The following COL25A1 variants were observed in gnomAD, a reference collection of about 807,000 sequenced individuals.
COL25A1 encodes the protein collagen alpha-1(XXV) chain.
Under a neutral mutation model 128.4 loss-of-function variants are expected in COL25A1, and 103 were observed. The observed-to-expected ratio is 0.80, with a 90% CI of 0.68 to 0.94. The LOEUF is 0.94. Ranked by LOEUF, COL25A1 falls within the 40% of genes least tolerant of loss-of-function variation. The pLI is 0.00. For synonymous variants in COL25A1, 279 were observed against 277.2 expected, an observed-to-expected ratio of 1.01 and a Z score of -0.06; for missense variants, 745 against 840.0, an observed-to-expected ratio of 0.89 and a Z score of 1.40.
Position 109,139,963 on chromosome 4 carries a change from G to A in COL25A1, c.368-89784C>T, listed in dbSNP as rs999506660. On this transcript the variant is annotated intron_variant, in intron 3 of 37. Coordinates refer to ENST00000399132, the MANE Select transcript of COL25A1 (RefSeq NM_198721.4). ...CTTGTGATAGTTTGCCGAGAATGAT[G>A]GTTTCCAGCTTCATCGATGTCCCTA... is the stretch of plus-strand genomic sequence containing the variant. Among the ~76,000 whole-genome samples the A allele has an allele frequency of 9.9e-5, 15 of 151,906 alleles. 1 individual carries two copies. Among genetic ancestry groups the A allele is most frequent in the Admixed American group, 7.2e-4 (11 of 15,246 alleles).
intron 3 of COL25A1, among the ~76,000 whole-genome samples, chr4:109,107,910 T>C (rs1766599724): frequency 6.6e-6 from 1 of 152,250 alleles, no homozygotes; most frequent in South Asian, 2.1e-4. Flanking sequence ...TAACAGCATT[T>C]TAAAAATTCC....
intron 8 of COL25A1, chr4:108,942,090 T>C (rs1323101799): frequency 1.1e-6 from 1 of 921,556 alleles, no homozygotes; most frequent in Non-Finnish European, 1.7e-6. Context: ...AAGTGCCCAG[T>C]AACTTGATAT....
At chr4:108,900,260 G>C (rs769452393) in intron 14 of COL25A1, among the ~76,000 whole-genome samples, 23 of 152,164 alleles carry the variant, frequency 1.5e-4, no homozygotes, top group Non-Finnish European at 3.1e-4. Flanking sequence ...TGGAGAAAGA[G>C]AGAGAAGAAG....
chr4:109,280,556 T>A (rs1723278406), intron 3 of COL25A1, among the ~76,000 whole-genome samples: 1 of 152,204 alleles, frequency 6.6e-6, no homozygotes, highest in African/African-American at 2.4e-5. Context: ...AACCTGAATA[T>A]ACACTGAATA....
chr4:109,119,039 A>G lies in COL25A1; in HGVS notation c.368-68860T>C, dbSNP rs188628030. Among the ~76,000 whole-genome samples the G allele has an allele frequency of 3.2e-3, 488 of 151,928 alleles. 1 individual carries two copies. The highest frequency in any genetic ancestry group is 5.4e-3 in the Non-Finnish European group (369 of 67,954). On this transcript the variant is annotated intron_variant, in intron 3 of 37. Coordinates refer to ENST00000399132, the MANE Select transcript of COL25A1 (RefSeq NM_198721.4). Reference sequence around the variant, plus strand: ...TTTGCTGGCAGATAACAATGGAATGAAACTGGAAATCAAAAACAGCTAAAA... The same window carrying G: ...TTTGCTGGCAGATAACAATGGAATGGAACTGGAAATCAAAAACAGCTAAAA...
Position 108,848,773 on chromosome 4 carries a change from T to C in COL25A1, c.1420A>G (p.Met474Val), listed in dbSNP as rs761132126. 1 of 1,602,490 alleles carries C rather than the reference T, an allele frequency of 6.2e-7. No individual in the cohort carries two copies. The highest frequency in any genetic ancestry group is 8.5e-7 in the Non-Finnish European group (1 of 1,169,726). The change falls in exon 27 of 38, where the codon ATG (methionine) becomes GTG (valine). Residue 474 changes from methionine (M) to valine (V), a missense_variant. By Grantham distance (21) the Met-to-Val change is conservative. This residue lies in a region of COL25A1 where 387 missense variants were observed against 441.9 expected (regional missense o/e 0.88). Transcript: ENST00000399132. ...GEQGSPGIPG[M>V]DGEQGLKGSK... Reference sequence around the variant, plus strand: ...TTGAAAATTACCTGCTCTCCATCCATTCCTGGGATTCCTGGAGATCCCTGC... The same window carrying C: ...TTGAAAATTACCTGCTCTCCATCCACTCCTGGGATTCCTGGAGATCCCTGC...
At chr4:109,236,418 T>C (rs1420309560) in intron 3 of COL25A1, among the ~76,000 whole-genome samples, 3 of 152,070 alleles carry the variant, frequency 2.0e-5, no homozygotes, top group Non-Finnish European at 4.4e-5. Flanking sequence ...ACATTAGTCC[T>C]GAATTGAATG....
chr4:109,002,214 A>G (rs1755506272), intron 6 of COL25A1, among the ~76,000 whole-genome samples: 1 of 152,270 alleles, frequency 6.6e-6, no homozygotes, highest in Non-Finnish European at 1.5e-5. Context: ...AGCTGGGTAT[A>G]TATCTGAAGG....
chr4:109,260,449 G>A (rs1781366402), intron 3 of COL25A1, among the ~76,000 whole-genome samples: 1 of 152,004 alleles, frequency 6.6e-6, no homozygotes, highest in African/African-American at 2.4e-5. Flanking sequence ...CCAAAGTCTT[G>A]TCTTGAAAGT....
intron 3 of COL25A1, among the ~76,000 whole-genome samples, chr4:109,156,244 T>C (rs913172886): frequency 6.6e-6 from 1 of 152,234 alleles, no homozygotes. Flanking sequence ...TCAAGCACGT[T>C]GTCTTTTCTA....
intron 5 of COL25A1, among the ~76,000 whole-genome samples, chr4:109,044,965 T>A (rs1399641681): frequency 6.6e-6 from 1 of 152,186 alleles, no homozygotes; most frequent in East Asian, 1.9e-4. Context: ...GGTCCACTTA[T>A]ATGCCAGTTT....
chr4:109,296,454 T>C (rs1381208920), intron 3 of COL25A1, among the ~76,000 whole-genome samples: 1 of 152,094 alleles, frequency 6.6e-6, no homozygotes, highest in East Asian at 1.9e-4. Flanking sequence ...TTGTCTGTCA[T>C]CCTCATCAAA....
intron 3 of COL25A1, among the ~76,000 whole-genome samples, chr4:109,287,335 G>A (rs1049282905): frequency 6.6e-6 from 1 of 152,012 alleles, no homozygotes; most frequent in African/African-American, 2.4e-5. Context: ...CAGGCATTTG[G>A]CACAGGGTTT....
At chr4:109,197,443 A>T (rs1274796644) in intron 3 of COL25A1, among the ~76,000 whole-genome samples, 6 of 117,996 alleles carry the variant, frequency 5.1e-5, no homozygotes, top group Admixed American at 2.2e-4. Flanking sequence ...ATTATATATT[A>T]TATATATTAT....
chr4:109,191,279 G>A (rs776446033), intron 3 of COL25A1, among the ~76,000 whole-genome samples: 1 of 152,106 alleles, frequency 6.6e-6, no homozygotes, highest in African/African-American at 2.4e-5. Context: ...ACGTTCTTGT[G>A]GGAAATCAAG....
At chr4:108,874,925 A>G (rs1022250032) in intron 19 of COL25A1, among the ~76,000 whole-genome samples, 4 of 152,214 alleles carry the variant, frequency 2.6e-5, no homozygotes, top group Admixed American at 6.5e-5. Context: ...CATTTCACAG[A>G]TATTCCACAT....
At position 108,941,373 on chromosome 4, in the gene COL25A1, A is replaced by C. The variant is rs1024039488; in HGVS notation, c.557T>G (p.Leu186Arg). 6.2e-7 allele frequency: 1 copy of C among 1,613,276 alleles called. No individual in the cohort carries two copies. Among genetic ancestry groups the C allele is most frequent in the African/African-American group, 1.3e-5 (1 of 74,920 alleles). ...AGCAAGAATAAGCACTACCTTAATCAGGCGGCGTTTAATGAGCTGCTGATC... is the reference window on the plus strand; with the variant it reads ...AGCAAGAATAAGCACTACCTTAATCCGGCGGCGTTTAATGAGCTGCTGATC... ...SADQQLIKRR[L>R]IKGDQGQAGP... is the part of the protein sequence containing the mutation. Residue 186 changes from leucine (L) to arginine (R), a missense_variant, in exon 9 of 38, where the codon CTG becomes CGG. Around this residue, in one of 3 missense-constraint regions of COL25A1, gnomAD observed 319 missense variants for 324.9 expected, o/e 0.98. Transcript: ENST00000399132.
chr4:108,984,775 T>G (rs1240493010), intron 6 of COL25A1, among the ~76,000 whole-genome samples: 1 of 152,202 alleles, frequency 6.6e-6, no homozygotes, highest in East Asian at 1.9e-4. Context: ...GGCTCCGGCC[T>G]TGGCCAGCCC....
At chr4:109,101,581 C>T (rs1765895782) in intron 3 of COL25A1, among the ~76,000 whole-genome samples, 1 of 152,184 alleles carries the variant, frequency 6.6e-6, no homozygotes, top group South Asian at 2.1e-4. Flanking sequence ...ACTCTGTTTG[C>T]AGAAGCTAAT....
Sources: gnomAD v4.1 joint callset for allele counts (sites outside exome capture counted in the v4.1 genomes callset) on GRCh38, gnomAD v4.1.1 for gene constraint, gnomAD v4.1.1 regional missense constraint, MANE v1.5 for transcripts, NCBI Gene and HGNC (gene_info 2026-07-23, HGNC 2026-07-21) for gene names.